ZNF804B: variants seen among roughly 807,000 people sequenced by gnomAD.
ZNF804B encodes the protein zinc finger protein 804B, also known as zinc finger 804B.
ZNF804B carries 80 observed loss-of-function variants against 101.4 expected under a neutral mutation model. That is an observed-to-expected ratio of 0.79 (90% CI 0.66 to 0.95). The LOEUF is 0.95. Among genes scored for constraint, ZNF804B ranks in the 40% least tolerant of loss-of-function variants. The pLI, the probability that ZNF804B is intolerant of heterozygous loss-of-function variation, is 0.00. For missense variants in ZNF804B, 1,673 were observed against 1,561.9 expected (o/e 1.07, Z -1.20); for synonymous variants, 622 against 558.8 (o/e 1.11, Z -1.59).
intron 1 of ZNF804B, among the ~76,000 whole-genome samples, chr7:89,117,200 GT>G: frequency 6.6e-6 from 1 of 152,176 alleles, no homozygotes; most frequent in Non-Finnish European, 1.5e-5. Context: ...TTTTGGCCAA[GT>G]GATACTGTTT....
chr7:89,002,702 G>A (rs539345841), intron 1 of ZNF804B, among the ~76,000 whole-genome samples: 1 of 151,980 alleles, frequency 6.6e-6, no homozygotes, highest in East Asian at 1.9e-4. Flanking sequence ...ACTTAAATCA[G>A]CTATAGTCTT....
intron 1 of ZNF804B, among the ~76,000 whole-genome samples, chr7:88,778,872 A>G (rs1790185063): frequency 6.6e-6 from 1 of 152,208 alleles, no homozygotes. Context: ...TGTGCAGTCT[A>G]GCATGGAAAG....
intron 1 of ZNF804B, among the ~76,000 whole-genome samples, chr7:89,150,749 T>C (rs1345899796): frequency 1.3e-5 from 2 of 151,972 alleles, no homozygotes; most frequent in Non-Finnish European, 2.9e-5. Flanking sequence ...TTGAAAAAAG[T>C]CCAAATGAAG....
At chr7:89,234,163 GT>G in intron 2 of ZNF804B, among the ~76,000 whole-genome samples, 1 of 152,208 alleles carries the variant, frequency 6.6e-6, no homozygotes, top group South Asian at 2.1e-4. Context: ...TAATGAGCTT[GT>G]TTTTAAGTAG....
chr7:88,921,085 T>G lies in ZNF804B; in HGVS notation c.108+161001T>G, dbSNP rs564721376. Among the ~76,000 whole-genome samples the G allele has an allele frequency of 1.1e-3, 172 of 152,222 alleles. 2 individuals carry two copies. Among genetic ancestry groups the G allele is most frequent in the South Asian group, 2.7e-3 (13 of 4,828 alleles). ...GCACTAATTTAGATTATTTCCAAGA[T>G]TCTTTTTAGCACAATAATCTTAAAA... is the stretch of plus-strand genomic sequence containing the variant. On this transcript the variant is annotated intron_variant, in intron 1 of 3. Transcript: ENST00000333190.
chr7:89,285,546 A>AGAAGAAGAAG (rs1554389596), intron 2 of ZNF804B, among the ~76,000 whole-genome samples: 35 of 93,434 alleles, frequency 3.7e-4, no homozygotes, highest in African/African-American at 1.7e-3. Context: ...AAAAAAAAAA[A>AGAAGAAGAAG]AAGAAGAAGA....
chr7:88,871,092 T>TCA (rs564206556), intron 1 of ZNF804B, among the ~76,000 whole-genome samples: 3 of 152,222 alleles, frequency 2.0e-5, no homozygotes, highest in Non-Finnish European at 4.4e-5. Flanking sequence ...ATAAACTGAT[T>TCA]TTTTATTAAA....
intron 1 of ZNF804B, among the ~76,000 whole-genome samples, chr7:89,182,877 G>A (rs929604529): frequency 1.3e-5 from 2 of 152,072 alleles, no homozygotes; most frequent in Non-Finnish European, 2.9e-5. Flanking sequence ...TGAGTGCATT[G>A]CATGTCTACT....
chr7:89,325,862 G>A (rs1340723131), intron 2 of ZNF804B, among the ~76,000 whole-genome samples: 5 of 151,880 alleles, frequency 3.3e-5, no homozygotes, highest in Non-Finnish European at 7.4e-5. Context: ...TATAGTTTAT[G>A]TTTGTTCTTA....
chr7:89,330,446 G>A (rs1187817681), intron 3 of ZNF804B, among the ~76,000 whole-genome samples: 3 of 151,548 alleles, frequency 2.0e-5, no homozygotes, highest in Non-Finnish European at 3.0e-5. Context: ...TACATCAAAT[G>A]ATCACATTGT....
intron 1 of ZNF804B, among the ~76,000 whole-genome samples, chr7:88,822,274 T>C (rs902020513): frequency 1.3e-5 from 2 of 152,188 alleles, no homozygotes; most frequent in Non-Finnish European, 2.9e-5. Flanking sequence ...TTTATTTTTA[T>C]GGGAACTAAA....
intron 1 of ZNF804B, among the ~76,000 whole-genome samples, chr7:88,906,254 A>G (rs1470163910): frequency 6.6e-6 from 1 of 151,794 alleles, no homozygotes; most frequent in Admixed American, 6.6e-5. Flanking sequence ...TTACATCTCA[A>G]TTTTGTTCAG....
Position 88,883,364 on chromosome 7 carries a change from C to T in ZNF804B, c.108+123280C>T, listed in dbSNP as rs563884806. ...AAATTAGGCAGAGAGTTGGTGTTTC[C>T]TCTTTGTGCATACAACTAGACTAGA... is the stretch of plus-strand genomic sequence containing the variant. On this transcript the variant is annotated intron_variant, in intron 1 of 3. Coordinates refer to ENST00000333190, the MANE Select transcript of ZNF804B (RefSeq NM_181646.5). 2.0e-5 allele frequency among the ~76,000 whole-genome samples: 3 copies of T among 152,052 alleles called. No individual in the cohort carries two copies. In the South Asian group the frequency reaches 6.2e-4, roughly 32 times the overall value.
chr7:88,847,552 T>C (rs1485546904), intron 1 of ZNF804B, among the ~76,000 whole-genome samples: 1 of 152,166 alleles, frequency 6.6e-6, no homozygotes, highest in African/African-American at 2.4e-5. Context: ...ATCAGTGGAA[T>C]AGATAATATT....
intron 1 of ZNF804B, among the ~76,000 whole-genome samples, chr7:88,868,107 A>G (rs1791763078): frequency 6.6e-6 from 1 of 151,554 alleles, no homozygotes; most frequent in Non-Finnish European, 1.5e-5. Context: ...TCTTTAAGCA[A>G]CAAATGCTGC....
In ZNF804B at chr7:89,005,414, A is replaced by G. The variant is rs75114151; in HGVS notation, c.109-212741A>G. On this transcript the variant is annotated intron_variant, in intron 1 of 3. Coordinates refer to ENST00000333190, the MANE Select transcript of ZNF804B (RefSeq NM_181646.5). ...AGCAGAATCACAAGGTCAAGGTCAA[A>G]GGTTATAGAACATTTTTAATACTAC... 1.3e-3 allele frequency among the ~76,000 whole-genome samples: 200 copies of G among 152,172 alleles called. 5 individuals are homozygous for G. In the East Asian group the frequency reaches 0.034, roughly 25 times the overall value.
chr7:88,900,395 A>G (rs922556573), intron 1 of ZNF804B, among the ~76,000 whole-genome samples: 9 of 151,878 alleles, frequency 5.9e-5, no homozygotes, highest in Non-Finnish European at 1.3e-4. Context: ...TTAAAAAAGC[A>G]TGTAGAACAA....
In ZNF804B at chr7:89,335,764, C is replaced by A; in HGVS notation, c.2782C>A (p.Leu928Ile). The change falls in exon 4 of 4, where the codon CTT becomes ATT. Residue 928 changes from leucine (L) to isoleucine (I), a missense_variant. Physicochemically the swap from Leu to Ile is conservative, Grantham distance 5. Transcript: ENST00000333190. Reference sequence around the variant, plus strand: ...GAGGACCCCTCTAACAGCAAAAATCCTTTTAGAAAGAGTACAAGCCAAGAA... The same window carrying A: ...GAGGACCCCTCTAACAGCAAAAATCATTTTAGAAAGAGTACAAGCCAAGAA... Reference protein sequence around the residue: ...GERTPLTAKILLERVQAKKCQ... With the variant: ...GERTPLTAKIILERVQAKKCQ... 6.2e-7 allele frequency: 1 copy of A among 1,613,982 alleles called. No homozygotes were observed. The highest frequency in any genetic ancestry group is 8.5e-7 in the Non-Finnish European group (1 of 1,179,950).
Position 89,297,347 on chromosome 7 carries a change from A to G in ZNF804B, c.250-29997A>G, listed in dbSNP as rs1200740905. On this transcript the variant is annotated intron_variant, in intron 2 of 3. Transcript: ENST00000333190. ...GCAACTGGTCTTGCTGTCTAAATAG[A>G]TAAGAATTGCTTACTATTAACTATG... 3.9e-5 allele frequency among the ~76,000 whole-genome samples: 6 copies of G among 152,030 alleles called. No homozygotes were observed. In the South Asian group the frequency reaches 1.2e-3, roughly 32 times the overall value.
Sources: allele counts gnomAD v4.1 joint callset (sites outside exome capture counted in the v4.1 genomes callset), GRCh38; gene constraint gnomAD v4.1.1; transcripts MANE v1.5; gene names NCBI Gene and HGNC (gene_info 2026-07-23, HGNC 2026-07-21).